The following SNTB1 variants were observed in gnomAD, a reference collection of about 807,000 sequenced individuals.
The protein encoded by SNTB1 is syntrophin beta 1.
In SNTB1, 36 loss-of-function variants were observed where a neutral mutation model predicts 48.9. That is an observed-to-expected ratio of 0.74 (90% CI 0.56 to 0.97). The LOEUF is 0.97. Ranked by LOEUF, SNTB1 falls within the 50% of genes least tolerant of loss-of-function variation. SNTB1 has a pLI of 0.00. For missense variants in SNTB1, 786 were observed against 703.4 expected, an observed-to-expected ratio of 1.12 and a Z score of -1.33; for synonymous variants, 299 against 294.6, an observed-to-expected ratio of 1.01 and a Z score of -0.15.
chr8:120,658,586 A>G (rs1817535158), intron 2 of SNTB1, among the ~76,000 whole-genome samples: 1 of 152,242 alleles, frequency 6.6e-6, no homozygotes, highest in African/African-American at 2.4e-5. Flanking sequence ...CAGTCTATTA[A>G]GCATGCAATG....
At position 120,632,484 on chromosome 8, in the gene SNTB1, C is replaced by G; in HGVS notation, c.956G>C (p.Gly319Ala). ...GCCAAGATGCCTAATCTCTCGGCTC[C>G]CAGCAATGCCTGTTTTCCCCAGCTG... ...REQLGKTGIA[G>A]SREIRHLGWL... The change falls in exon 3 of 7, where the codon GGG (glycine) becomes GCG (alanine). Residue 319 changes from glycine to alanine, a missense_variant. Coordinates refer to ENST00000517992, the MANE Select transcript of SNTB1 (RefSeq NM_021021.4). 6.2e-7 allele frequency: 1 copy of G among 1,614,132 alleles called. No homozygotes were observed. The highest frequency in any genetic ancestry group is 1.7e-5 in the Admixed American group (1 of 60,026).
chr8:120,676,727 A>C (rs1817842885), intron 2 of SNTB1, among the ~76,000 whole-genome samples: 1 of 152,178 alleles, frequency 6.6e-6, no homozygotes, highest in Non-Finnish European at 1.5e-5. Flanking sequence ...GAAAAAAATG[A>C]CCAAGGTACA....
At chr8:120,629,404 T>C (rs10113049) in intron 3 of SNTB1, among the ~76,000 whole-genome samples, 3,045 of 152,290 alleles carry the variant, frequency 0.02, 97 homozygotes, top group African/African-American at 0.071. Context: ...TGTACAACCT[T>C]GTCACAGAGT....
intron 1 of SNTB1, among the ~76,000 whole-genome samples, chr8:120,740,987 T>G (rs1454869430): frequency 6.6e-6 from 1 of 152,174 alleles, no homozygotes; most frequent in Non-Finnish European, 1.5e-5. Context: ...TAGTCAGTGG[T>G]TGAGCAAGGA....
At chr8:120,721,975 G>A (rs867520158) in intron 1 of SNTB1, among the ~76,000 whole-genome samples, 4 of 148,858 alleles carry the variant, frequency 2.7e-5, no homozygotes, top group South Asian at 4.3e-4. Context: ...ACCTATGAGT[G>A]AGAACATGCA....
chr8:120,706,850 G>A (rs539141530), intron 1 of SNTB1, among the ~76,000 whole-genome samples: 1 of 152,248 alleles, frequency 6.6e-6, no homozygotes, highest in East Asian at 1.9e-4. Context: ...ATTTTTCAGT[G>A]ACAGAAGCCC....
At chr8:120,785,212 G>C (rs538900055) in intron 1 of SNTB1, among the ~76,000 whole-genome samples, 1 of 152,206 alleles carries the variant, frequency 6.6e-6, no homozygotes, top group Non-Finnish European at 1.5e-5. Context: ...CAGAACCATT[G>C]AGAGAGCAGG....
intron 1 of SNTB1, among the ~76,000 whole-genome samples, chr8:120,798,273 T>G (rs1820156055): frequency 6.6e-6 from 1 of 152,012 alleles, no homozygotes; most frequent in South Asian, 2.1e-4. Context: ...ATGAGGGCTT[T>G]AAAAGCTTCC....
intron 3 of SNTB1, among the ~76,000 whole-genome samples, chr8:120,617,706 C>A (rs528105760): frequency 4.6e-5 from 7 of 152,186 alleles, no homozygotes; most frequent in Non-Finnish European, 1.0e-4. Context: ...TTGCTCCATA[C>A]TCAGAACTCG....
chr8:120,677,489 G>A (rs1443119192), intron 2 of SNTB1, among the ~76,000 whole-genome samples: 1 of 152,088 alleles, frequency 6.6e-6, no homozygotes, highest in Admixed American at 6.5e-5. Flanking sequence ...TTACCCAAAC[G>A]GCTGTTTTAT....
At chr8:120,730,842 G>A (rs768291146) in intron 1 of SNTB1, among the ~76,000 whole-genome samples, 2 of 152,004 alleles carry the variant, frequency 1.3e-5, no homozygotes, top group South Asian at 2.1e-4. Flanking sequence ...AATAGTGGCC[G>A]GGTGCAGTGG....
chr8:120,630,828 G>T (rs1816967765), intron 3 of SNTB1, among the ~76,000 whole-genome samples: 1 of 152,174 alleles, frequency 6.6e-6, no homozygotes, highest in Admixed American at 6.5e-5. Flanking sequence ...CTCAGGACTT[G>T]CATTGAAACA....
intron 1 of SNTB1, among the ~76,000 whole-genome samples, chr8:120,807,742 A>G (rs1820359714): frequency 6.6e-6 from 1 of 152,210 alleles, no homozygotes; most frequent in Admixed American, 6.5e-5. Context: ...CCAGCACTTC[A>G]GGAGTGGGGC....
chr8:120,810,015 T>C (rs1472821635), intron 1 of SNTB1, among the ~76,000 whole-genome samples: 2 of 152,200 alleles, frequency 1.3e-5, no homozygotes, highest in African/African-American at 4.8e-5. Context: ...AAGCAGGAAA[T>C]TGACTTAAGT....
chr8:120,680,568 CAT>C (rs777640663), intron 2 of SNTB1, among the ~76,000 whole-genome samples: 18 of 152,260 alleles, frequency 1.2e-4, no homozygotes, highest in Admixed American at 4.6e-4. Context: ...CCAAATTTCA[CAT>C]GTGTCAAAAG....
intron 3 of SNTB1, among the ~76,000 whole-genome samples, chr8:120,604,742 T>C (rs919406438): frequency 6.6e-6 from 1 of 152,208 alleles, no homozygotes; most frequent in African/African-American, 2.4e-5. Flanking sequence ...TGAATCGCCA[T>C]GCCTGGCCAA....
rs183556835 is a variant in SNTB1, at chr8:120,753,967, T to A, written c.571+57306A>T. 3.9e-4 allele frequency among the ~76,000 whole-genome samples: 59 copies of A among 152,324 alleles called. No individual in the cohort carries two copies. In the Middle Eastern group the frequency reaches 0.014, roughly 35 times the overall value. On this transcript the variant is annotated intron_variant, in intron 1 of 6. Transcript: ENST00000517992. The stretch of plus-strand genomic sequence containing the variant: ...CCTGCAATCATAGATACATTCATTC[T>A]AATTTGTCTCATCAATCTAAATTTG...
intron 1 of SNTB1, among the ~76,000 whole-genome samples, chr8:120,803,624 G>A (rs1430222567): frequency 6.6e-6 from 1 of 152,152 alleles, no homozygotes; most frequent in Non-Finnish European, 1.5e-5. Flanking sequence ...GAGCCATGTG[G>A]AGTGAGTTAT....
chr8:120,746,512 T>C (rs1819128627), intron 1 of SNTB1, among the ~76,000 whole-genome samples: 3 of 152,228 alleles, frequency 2.0e-5, no homozygotes, highest in Admixed American at 6.5e-5. Flanking sequence ...GGGTCAACTG[T>C]GGTTGCAACA....
Sources: allele counts gnomAD v4.1 joint callset (sites outside exome capture counted in the v4.1 genomes callset), GRCh38; gene constraint gnomAD v4.1.1; transcripts MANE v1.5; gene names NCBI Gene and HGNC (gene_info 2026-07-23, HGNC 2026-07-21).